Variants in NTNG1 observed in about 807,000 individuals in gnomAD.
NTNG1 encodes the protein netrin G1, also known as netrin-G1.
In NTNG1, 16 loss-of-function variants were observed where a neutral mutation model predicts 54.0. The observed-to-expected ratio is 0.30, with a 90% CI of 0.20 to 0.45. NTNG1 has a LOEUF of 0.45. Among genes scored for constraint, NTNG1 ranks in the 20% least tolerant of loss-of-function variants. NTNG1 has a pLI of 1.00. For missense variants in NTNG1, 530 were observed against 678.7 expected, an observed-to-expected ratio of 0.78 and a Z score of 2.43; for synonymous variants, 255 against 263.1, an observed-to-expected ratio of 0.97 and a Z score of 0.30.
intron 2 of NTNG1, among the ~76,000 whole-genome samples, chr1:107,198,485 A>C (rs186661959): frequency 6.6e-6 from 1 of 152,098 alleles, no homozygotes; most frequent in Admixed American, 6.6e-5. Flanking sequence ...ATAAAATTAC[A>C]TCACAGGAAA....
At chr1:107,219,843 G>A (rs946422935) in intron 2 of NTNG1, among the ~76,000 whole-genome samples, 1 of 152,138 alleles carries the variant, frequency 6.6e-6, no homozygotes, top group African/African-American at 2.4e-5. Context: ...TAGCATTTTT[G>A]TTAAGTGCAC....
intron 4 of NTNG1, among the ~76,000 whole-genome samples, chr1:107,405,632 A>G (rs1673369129): frequency 6.6e-6 from 1 of 152,084 alleles, no homozygotes; most frequent in Non-Finnish European, 1.5e-5. Context: ...TATGGTGCCA[A>G]ACACCCTGAG....
In NTNG1 at chr1:107,354,094, A is replaced by T. The variant is rs1570748013; in HGVS notation, c.887+29172A>T. ...GACACAGACCCAAACCATGTCAATGACCCTGAAGTGAGATCCAGTTTATTT... is the reference window on the plus strand; with the variant it reads ...GACACAGACCCAAACCATGTCAATGTCCCTGAAGTGAGATCCAGTTTATTT... On this transcript the variant is annotated intron_variant, in intron 3 of 7. Transcript: ENST00000370068. Among the ~76,000 whole-genome samples, 3 of 152,292 alleles carry T rather than the reference A, an allele frequency of 2.0e-5. No individual in the cohort carries two copies. In the East Asian group the frequency reaches 5.8e-4, roughly 29 times the overall value.
intron 2 of NTNG1, among the ~76,000 whole-genome samples, chr1:107,178,434 G>C (rs551266744): frequency 5.5e-4 from 83 of 151,482 alleles, no homozygotes; most frequent in African/African-American, 1.9e-3. Flanking sequence ...ATGTTTATGA[G>C]GTCAGTCTTT....
At chr1:107,435,580 T>A (rs1432911783) in intron 6 of NTNG1, among the ~76,000 whole-genome samples, 1 of 152,160 alleles carries the variant, frequency 6.6e-6, no homozygotes, top group Non-Finnish European at 1.5e-5. Flanking sequence ...GACCCATCTA[T>A]AAGGCTAAAC....
chr1:107,347,118 C>T (rs1669295019), intron 3 of NTNG1, among the ~76,000 whole-genome samples: 2 of 152,054 alleles, frequency 1.3e-5, no homozygotes, highest in African/African-American at 4.8e-5. Flanking sequence ...TGTCGTCACA[C>T]AGACTGGATT....
At chr1:107,294,300 C>A (rs1665806112) in intron 2 of NTNG1, among the ~76,000 whole-genome samples, 1 of 152,066 alleles carries the variant, frequency 6.6e-6, no homozygotes, top group South Asian at 2.1e-4. Context: ...TAACTCATAC[C>A]AAAATTTGAG....
intron 2 of NTNG1, among the ~76,000 whole-genome samples, chr1:107,322,208 A>G (rs1667698980): frequency 6.6e-6 from 1 of 152,118 alleles, no homozygotes; most frequent in African/African-American, 2.4e-5. Flanking sequence ...GAAGCTCTGC[A>G]CACCTGTGCT....
chr1:107,460,380 C>A (rs761018480), intron 7 of NTNG1: 2 of 518,702 alleles, frequency 3.9e-6, no homozygotes, highest in Non-Finnish European at 7.7e-6. Flanking sequence ...TCCTTCTGAG[C>A]CCTCACAGAT....
chr1:107,456,884 G>T (rs533480127), intron 7 of NTNG1, among the ~76,000 whole-genome samples: 2 of 152,324 alleles, frequency 1.3e-5, no homozygotes, highest in Admixed American at 1.3e-4. Context: ...ATACTGGAAT[G>T]CCAGGTCTTA....
intron 2 of NTNG1, among the ~76,000 whole-genome samples, chr1:107,152,082 G>A (rs1654618841): frequency 6.6e-6 from 1 of 151,110 alleles, no homozygotes; most frequent in African/African-American, 2.4e-5. Flanking sequence ...ATATATACAT[G>A]TATATACACA....
intron 3 of NTNG1, among the ~76,000 whole-genome samples, chr1:107,338,838 A>G (rs900482915): frequency 6.6e-6 from 1 of 150,788 alleles, no homozygotes; most frequent in African/African-American, 2.4e-5. Context: ...AATAATAATA[A>G]TAAAACACAA....
chr1:107,236,163 G>T (rs1003115948), intron 2 of NTNG1, among the ~76,000 whole-genome samples: 5 of 152,098 alleles, frequency 3.3e-5, no homozygotes, highest in African/African-American at 4.8e-5. Flanking sequence ...CCTGAGGAAG[G>T]AAAACACCTT....
intron 3 of NTNG1, among the ~76,000 whole-genome samples, chr1:107,370,350 A>T (rs1012858446): frequency 1.3e-5 from 2 of 150,410 alleles, no homozygotes; most frequent in African/African-American, 4.9e-5. Flanking sequence ...TTTTTTGAAA[A>T]TTTTTTTCAA....
At chr1:107,249,099 C>T (rs1398719752) in intron 2 of NTNG1, among the ~76,000 whole-genome samples, 1 of 150,602 alleles carries the variant, frequency 6.6e-6, no homozygotes, top group African/African-American at 2.4e-5. Context: ...GTGGGGGTTG[C>T]AGTAAGCCGA....
intron 2 of NTNG1, among the ~76,000 whole-genome samples, chr1:107,226,286 T>C (rs1040819653): frequency 3.3e-5 from 5 of 152,154 alleles, no homozygotes; most frequent in Non-Finnish European, 5.9e-5. Flanking sequence ...AAACGCTAAA[T>C]GCAATGCACT....
chr1:107,274,274 G>A (rs1006842790), intron 2 of NTNG1, among the ~76,000 whole-genome samples: 1 of 152,164 alleles, frequency 6.6e-6, no homozygotes, highest in African/African-American at 2.4e-5. Context: ...AAGTGTTCAT[G>A]GAGAATTTTT....
In NTNG1 at chr1:107,357,855, T is replaced by C. The variant is rs116435149; in HGVS notation, c.887+32933T>C. On this transcript the variant is annotated intron_variant, in intron 3 of 7. Coordinates refer to ENST00000370068, the MANE Select transcript of NTNG1 (RefSeq NM_001113226.3). ...GAAGGAAAATATTGATTAGAAACAT[T>C]TGAAATATAGATGAAGTTCTTTAGT... Among the ~76,000 whole-genome samples, 728 of 152,300 alleles carry C rather than the reference T, an allele frequency of 4.8e-3. 8 individuals carry two copies. The highest frequency in any genetic ancestry group is 0.017 in the African/African-American group (691 of 41,572).
chr1:107,276,819 T>G (rs1664506264), intron 2 of NTNG1, among the ~76,000 whole-genome samples: 1 of 141,640 alleles, frequency 7.1e-6, no homozygotes, highest in African/African-American at 3.1e-5. Context: ...GCCATTTAAA[T>G]TTTCTTCTTT....
Sources: gnomAD v4.1 joint callset for allele counts (sites outside exome capture counted in the v4.1 genomes callset) on GRCh38, gnomAD v4.1.1 for gene constraint, MANE v1.5 for transcripts, NCBI Gene and HGNC (gene_info 2026-07-23, HGNC 2026-07-21) for gene names.